KIAA0319L: variants seen among roughly 807,000 people sequenced by gnomAD.
KIAA0319L encodes dyslexia-associated protein KIAA0319-like protein.
KIAA0319L carries 55 observed loss-of-function variants against 120.1 expected under a neutral mutation model. That is an observed-to-expected ratio of 0.46 (90% CI 0.37 to 0.57). The LOEUF (loss-of-function observed/expected upper bound fraction) is 0.57, where lower values mean the gene tolerates loss of function less well. Among genes scored for constraint, KIAA0319L ranks in the 20% least tolerant of loss-of-function variants. KIAA0319L has a pLI of 0.00. For missense variants in KIAA0319L, 1,049 were observed against 1,255.3 expected (o/e 0.84, Z 2.48); for synonymous variants, 398 against 471.9 (o/e 0.84, Z 2.03).
intron 3 of KIAA0319L, among the ~76,000 whole-genome samples, chr1:35,497,116 T>C (rs922465863): frequency 2.6e-5 from 4 of 151,732 alleles, no homozygotes; most frequent in African/African-American, 4.8e-5. Flanking sequence ...AGCAGATCAA[T>C]GGATGCCTAG....
intron 4 of KIAA0319L, among the ~76,000 whole-genome samples, chr1:35,477,804 G>A (rs1005880714): frequency 2.6e-5 from 4 of 152,168 alleles, no homozygotes; most frequent in Non-Finnish European, 5.9e-5. Flanking sequence ...CTATTGGTGG[G>A]AATGTAAATT....
intron 16 of KIAA0319L, among the ~76,000 whole-genome samples, chr1:35,447,234 CT>C (rs1412086581): frequency 7.7e-6 from 1 of 129,174 alleles, no homozygotes; most frequent in Admixed American, 8.1e-5. Flanking sequence ...ACTGATCTTT[CT>C]TTAAAAAAAA....
At chr1:35,554,041 C>A (rs1647564588) in intron 2 of KIAA0319L, among the ~76,000 whole-genome samples, 1 of 152,190 alleles carries the variant, frequency 6.6e-6, no homozygotes, top group Non-Finnish European at 1.5e-5. Flanking sequence ...ATAACCCTTC[C>A]TCAAAGATAA....
intron 2 of KIAA0319L, among the ~76,000 whole-genome samples, chr1:35,507,976 T>C (rs1645268058): frequency 6.6e-6 from 1 of 152,252 alleles, no homozygotes; most frequent in Non-Finnish European, 1.5e-5. Flanking sequence ...TCTGAAATAG[T>C]ATCTCACCTC....
chr1:35,476,378 T>C (rs1643897249), intron 4 of KIAA0319L, among the ~76,000 whole-genome samples: 1 of 152,186 alleles, frequency 6.6e-6, no homozygotes, highest in Admixed American at 6.5e-5. Flanking sequence ...TCATTTGCTA[T>C]GAGACTTCAA....
Position 35,434,115 on chromosome 1 carries a change from T to C in KIAA0319L, c.*779A>G, listed in dbSNP as rs1421713131. The C allele has an allele frequency of 1.3e-5, 2 of 148,798 alleles. No individual in the cohort carries two copies. Among genetic ancestry groups the C allele is most frequent in the Non-Finnish European group, 3.0e-5 (2 of 67,726 alleles). The allele number at this position is 148,798 out of a possible 1,614,324, so 9.2% of individuals were successfully genotyped here. On this transcript the variant is annotated 3_prime_UTR_variant, in exon 21 of 21. Transcript: ENST00000325722. ...TTTTTTTTTTTTTTTGACGGAGTCT[T>C]GCTCTGTCACTCAGGCTGGAGTGCA...
At chr1:35,514,982 T>C (rs985975081) in intron 2 of KIAA0319L, among the ~76,000 whole-genome samples, 1 of 152,150 alleles carries the variant, frequency 6.6e-6, no homozygotes, top group Non-Finnish European at 1.5e-5. Flanking sequence ...ATTGACCACA[T>C]AATTGGACAT....
rs935589820 is a variant in KIAA0319L at position 35,433,587 on chromosome 1, T to G, written c.*1307A>C. 1.3e-5 allele frequency: 2 copies of G among 152,336 alleles called. No individual in the cohort carries two copies. The highest frequency in any genetic ancestry group is 4.8e-5 in the African/African-American group (2 of 41,464). 9.4% of individuals were successfully genotyped at this position (152,336 alleles called of 1,614,324 possible). ...TTTAAAAAGTCACTCCCCCAAAGTT[T>G]CCATTCCCCAATACCCAGATAACCA... On this transcript the variant is annotated 3_prime_UTR_variant, in exon 21 of 21. Transcript: ENST00000325722.
At chr1:35,459,456 G>A (rs1381504999) in intron 9 of KIAA0319L, among the ~76,000 whole-genome samples, 1 of 152,028 alleles carries the variant, frequency 6.6e-6, no homozygotes, top group Non-Finnish European at 1.5e-5. Context: ...AATTAGCCGG[G>A]CGTGGTGGTG....
chr1:35,471,561 T>C (rs1336697161), intron 5 of KIAA0319L, among the ~76,000 whole-genome samples: 1 of 152,152 alleles, frequency 6.6e-6, no homozygotes, highest in African/African-American at 2.4e-5. Flanking sequence ...CATTAAATGG[T>C]ACCCACTTGC....
chr1:35,518,871 G>C (rs973775688), intron 2 of KIAA0319L, among the ~76,000 whole-genome samples: 3 of 151,694 alleles, frequency 2.0e-5, no homozygotes, highest in Non-Finnish European at 4.4e-5. Context: ...GGGCATGGTG[G>C]TGGGCACCTG....
intron 3 of KIAA0319L, among the ~76,000 whole-genome samples, chr1:35,498,959 A>G (rs1644906818): frequency 6.6e-6 from 1 of 152,250 alleles, no homozygotes; most frequent in Non-Finnish European, 1.5e-5. Flanking sequence ...TTCCTGCATT[A>G]GTGGGGTCTA....
intron 9 of KIAA0319L, among the ~76,000 whole-genome samples, chr1:35,456,686 C>T (rs1642476181): frequency 2.0e-5 from 3 of 151,962 alleles, no homozygotes; most frequent in African/African-American, 7.3e-5. Context: ...GTGGTGCAGG[C>T]CTATAATCCA....
intron 16 of KIAA0319L, among the ~76,000 whole-genome samples, chr1:35,445,127 C>G (rs947637390): frequency 2.0e-5 from 3 of 152,156 alleles, no homozygotes; most frequent in African/African-American, 7.2e-5. Context: ...ACCTGGGCAT[C>G]CTAGAGGCCC....
At chr1:35,534,776 G>A (rs189077117) in intron 2 of KIAA0319L, among the ~76,000 whole-genome samples, 1 of 148,572 alleles carries the variant, frequency 6.7e-6, no homozygotes, top group East Asian at 2.0e-4. Flanking sequence ...GGAGAATGGT[G>A]TGAACCTGGG....
At chr1:35,473,864 A>C (rs1643788581) in intron 5 of KIAA0319L, among the ~76,000 whole-genome samples, 1 of 152,184 alleles carries the variant, frequency 6.6e-6, no homozygotes, top group Non-Finnish European at 1.5e-5. Context: ...TGATAACATA[A>C]ACCCAACTGG....
chr1:35,514,385 A>G (rs1236715934), intron 2 of KIAA0319L, among the ~76,000 whole-genome samples: 2 of 151,220 alleles, frequency 1.3e-5, no homozygotes, highest in Non-Finnish European at 2.9e-5. Flanking sequence ...AACAAAACTT[A>G]CAAAATGGAC....
intron 3 of KIAA0319L, among the ~76,000 whole-genome samples, chr1:35,496,946 C>CAAAA (rs1558484218): frequency 4.7e-5 from 3 of 64,362 alleles, no homozygotes; most frequent in South Asian, 6.0e-4. Context: ...GATTGTGTCT[C>CAAAA]CAAAAAAAAA....
intron 3 of KIAA0319L, among the ~76,000 whole-genome samples, chr1:35,494,206 TG>T (rs1273332488): frequency 2.0e-5 from 3 of 152,106 alleles, no homozygotes; most frequent in Non-Finnish European, 4.4e-5. Context: ...CCCAGCACTT[TG>T]GGAGGCCGAG....
Sources: gnomAD v4.1 joint callset for allele counts (sites outside exome capture counted in the v4.1 genomes callset) on GRCh38, gnomAD v4.1.1 for gene constraint, MANE v1.5 for transcripts, NCBI Gene and HGNC (gene_info 2026-07-23, HGNC 2026-07-21) for gene names.